Variants in RBFOX1 observed in about 807,000 individuals in gnomAD.
The protein encoded by RBFOX1 is RNA binding protein fox-1 homolog 1.
In RBFOX1, 8 loss-of-function variants were observed where a neutral mutation model predicts 57.7. The observed-to-expected ratio is 0.14, with a 90% CI of 0.08 to 0.25. RBFOX1 has a LOEUF of 0.25. RBFOX1 is among the 10% of genes least tolerant of loss of function. The pLI is 1.00. For synonymous variants in RBFOX1, 326 were observed against 222.4 expected, an observed-to-expected ratio of 1.47 and a Z score of -4.15; for missense variants, 611 against 548.5, an observed-to-expected ratio of 1.11 and a Z score of -1.14.
chr16:5,304,442 C>T (rs551297455), intron 1 of RBFOX1, among the ~76,000 whole-genome samples: 13 of 152,302 alleles, frequency 8.5e-5, no homozygotes, highest in South Asian at 2.1e-4. Flanking sequence ...GGGGCAACTG[C>T]GTTCTTCTGA....
At chr16:5,440,736 A>G (rs544961772) in intron 1 of RBFOX1, among the ~76,000 whole-genome samples, 15 of 152,324 alleles carry the variant, frequency 9.8e-5, no homozygotes, top group African/African-American at 3.6e-4. Context: ...TTAGCTGGGC[A>G]GCAGTGGTGG....
chr16:5,331,299 G>A (rs2064749914), intron 1 of RBFOX1, among the ~76,000 whole-genome samples: 1 of 152,210 alleles, frequency 6.6e-6, no homozygotes, highest in South Asian at 2.1e-4. Context: ...CTTCGTATCA[G>A]TCAACAAATG....
intron 3 of RBFOX1, among the ~76,000 whole-genome samples, chr16:6,884,261 G>T (rs1314659294): frequency 6.6e-6 from 1 of 152,146 alleles, no homozygotes; most frequent in Non-Finnish European, 1.5e-5. Flanking sequence ...CAATAAGTAT[G>T]TGTCCAGCTT....
chr16:6,256,181 A>G (rs12598555), intron 1 of RBFOX1, among the ~76,000 whole-genome samples: 1 of 33,376 alleles, frequency 3.0e-5, no homozygotes, highest in African/African-American at 9.6e-5. Flanking sequence ...GTATATATAT[A>G]TATACGTATA....
At chr16:7,604,727 TA>T (rs1178257329) in intron 9 of RBFOX1, among the ~76,000 whole-genome samples, 2 of 152,208 alleles carry the variant, frequency 1.3e-5, no homozygotes, top group Non-Finnish European at 2.9e-5. Context: ...GCTTTGTTCT[TA>T]GAAAATGAGA....
At chr16:6,486,440 T>G (rs189472589) in intron 2 of RBFOX1, among the ~76,000 whole-genome samples, 1 of 152,248 alleles carries the variant, frequency 6.6e-6, no homozygotes, top group East Asian at 1.9e-4. Context: ...AAAATGATTA[T>G]TATTAATTAA....
chr16:5,239,966 A>T, exon 1 of RBFOX1: 1 of 1,525,626 alleles, frequency 6.6e-7, no homozygotes, highest in Non-Finnish European at 8.8e-7. Flanking sequence ...GAGGAGGACG[A>T]CGTCCCTCCC....
chr16:7,432,013 G>A (rs922120555), intron 4 of RBFOX1, among the ~76,000 whole-genome samples: 6 of 152,196 alleles, frequency 3.9e-5, no homozygotes, highest in Non-Finnish European at 7.3e-5. Flanking sequence ...TAGAAGGTCC[G>A]CTCCTTCCAC....
intron 2 of RBFOX1, among the ~76,000 whole-genome samples, chr16:6,510,716 A>C (rs977623237): frequency 6.6e-6 from 1 of 152,158 alleles, no homozygotes; most frequent in Non-Finnish European, 1.5e-5. Context: ...AGAGGCTCCA[A>C]ATCTGGGCAC....
At chr16:5,377,839 T>C (rs1289465849) in intron 1 of RBFOX1, among the ~76,000 whole-genome samples, 1 of 151,584 alleles carries the variant, frequency 6.6e-6, no homozygotes, top group Non-Finnish European at 1.5e-5. Context: ...TGTGAGAACA[T>C]TTTCAACACA....
At chr16:6,127,956 A>G (rs1381940665) in intron 1 of RBFOX1, among the ~76,000 whole-genome samples, 1 of 152,144 alleles carries the variant, frequency 6.6e-6, no homozygotes, top group African/African-American at 2.4e-5. Flanking sequence ...GGTGCTAGAA[A>G]TGTATCTGAA....
intron 3 of RBFOX1, among the ~76,000 whole-genome samples, chr16:7,034,816 A>G (rs1408177411): frequency 1.4e-5 from 1 of 72,456 alleles, no homozygotes; most frequent in South Asian, 5.1e-4. Flanking sequence ...GGAGTCTAAG[A>G]TATTGCATTA....
At chr16:6,184,648 C>T (rs965377328) in intron 1 of RBFOX1, among the ~76,000 whole-genome samples, 4 of 152,126 alleles carry the variant, frequency 2.6e-5, no homozygotes, top group Admixed American at 2.0e-4. Flanking sequence ...CAACCTCCGC[C>T]TCCCGGGTTC....
chr16:6,489,845 C>A (rs1283823112), intron 2 of RBFOX1, among the ~76,000 whole-genome samples: 1 of 152,208 alleles, frequency 6.6e-6, no homozygotes, highest in East Asian at 1.9e-4. Context: ...CAAAGGGAAA[C>A]ACTAATGTAC....
At chr16:6,717,931 C>A (rs1053818994) in intron 3 of RBFOX1, among the ~76,000 whole-genome samples, 1 of 152,202 alleles carries the variant, frequency 6.6e-6, no homozygotes, top group Admixed American at 6.5e-5. Context: ...GCTTCAGTTC[C>A]ACATAGTGGT....
At chr16:6,956,497 A>G (rs1460574002) in intron 3 of RBFOX1, among the ~76,000 whole-genome samples, 1 of 152,064 alleles carries the variant, frequency 6.6e-6, no homozygotes, top group Admixed American at 6.6e-5. Flanking sequence ...TGAAGATTTT[A>G]ATTTCAGAGT....
chr16:5,450,482 C>G (rs60182577), intron 1 of RBFOX1, among the ~76,000 whole-genome samples: 1 of 151,908 alleles, frequency 6.6e-6, no homozygotes, highest in South Asian at 2.1e-4. Context: ...GCGGTACAAC[C>G]AGGGGAGCTG....
chr16:6,199,995 A>G (rs1040406166), intron 1 of RBFOX1, among the ~76,000 whole-genome samples: 2 of 152,144 alleles, frequency 1.3e-5, no homozygotes, highest in African/African-American at 4.8e-5. Context: ...ACCTTGGACA[A>G]TGAGCAGGGG....
intron 2 of RBFOX1, among the ~76,000 whole-genome samples, chr16:6,440,499 G>T (rs904254358): frequency 6.6e-6 from 1 of 152,108 alleles, no homozygotes; most frequent in Non-Finnish European, 1.5e-5. Context: ...TATGACAAGG[G>T]TAGTAAAGAC....
Sources: gnomAD v4.1 joint callset for allele counts (sites outside exome capture counted in the v4.1 genomes callset) on GRCh38, gnomAD v4.1.1 for gene constraint, MANE v1.5 for transcripts, NCBI Gene and HGNC (gene_info 2026-07-23, HGNC 2026-07-21) for gene names.